The following MTDH variants were observed in gnomAD, a reference collection of about 807,000 sequenced individuals.
MTDH encodes the protein metadherin.
In MTDH, 34 loss-of-function variants were observed where a neutral mutation model predicts 72.7. The observed-to-expected ratio is 0.47, with a 90% confidence interval of 0.36 to 0.62. The LOEUF (loss-of-function observed/expected upper bound fraction) is 0.62. Among genes scored for constraint, MTDH ranks in the 20% least tolerant of loss-of-function variants. The probability of loss-of-function intolerance (pLI) is 0.00; values close to 1 mark genes in which losing one functional copy is unlikely to be tolerated. For synonymous variants in MTDH, 266 were observed against 268.9 expected (o/e 0.99, Z 0.10); for missense variants, 677 against 699.4 (o/e 0.97, Z 0.36).
At chr8:97,697,150 A>ATATATATATATATATAT in intron 6 of MTDH, among the ~76,000 whole-genome samples, 2 of 68,796 alleles carry the variant, frequency 2.9e-5, no homozygotes, top group South Asian at 6.1e-4. Context: ...ATATATATAT[A>ATATATATATATATATAT]TTTTTTTTTT....
intron 1 of MTDH, among the ~76,000 whole-genome samples, chr8:97,656,671 C>T (rs1811991559): frequency 6.6e-6 from 1 of 151,686 alleles, no homozygotes; most frequent in South Asian, 2.1e-4. Flanking sequence ...TGTCCTTGTT[C>T]CTACAGTCCT....
chr8:97,699,799 A>G lies in MTDH; in HGVS notation c.1094A>G (p.Gln365Arg), dbSNP rs564016127. The change falls in exon 7 of 12, where the codon CAG (glutamine) becomes CGG (arginine). Residue 365 changes from glutamine to arginine, a missense_variant. By Grantham distance (43) the Gln-to-Arg change is conservative. Around this residue, in one of 3 missense-constraint regions of MTDH, gnomAD observed 467 missense variants for 469.1 expected, o/e 1.00. Transcript: ENST00000336273. ...TCTCAGTCTACCACTTCTGATTATC[A>G]GTGGGATGTTAGCCGTAATCAACCC... ...PVSQSTTSDY[Q>R]WDVSRNQPYI... 16 of 1,613,514 alleles carry G rather than the reference A, an allele frequency of 9.9e-6. No homozygotes were observed. The East Asian group carries it at 3.4e-4, about 34-fold the overall frequency.
At chr8:97,720,524 T>C (rs1454717146) in intron 10 of MTDH, among the ~76,000 whole-genome samples, 1 of 147,918 alleles carries the variant, frequency 6.8e-6, no homozygotes, top group Non-Finnish European at 1.5e-5. Context: ...TGCAGTGAGC[T>C]GTAATTGCGC....
chr8:97,669,464 T>G (rs1812524569), intron 2 of MTDH, among the ~76,000 whole-genome samples: 1 of 152,054 alleles, frequency 6.6e-6, no homozygotes, highest in Admixed American at 6.6e-5. Context: ...TATATAATTT[T>G]AGAACATTTT....
intron 11 of MTDH, among the ~76,000 whole-genome samples, chr8:97,724,216 T>A (rs1815267037): frequency 6.6e-6 from 1 of 152,240 alleles, no homozygotes. Context: ...CCTCTCCCTT[T>A]TTCTCTGCAC....
At chr8:97,708,580 C>T in intron 8 of MTDH, among the ~76,000 whole-genome samples, 1 of 69,112 alleles carries the variant, frequency 1.4e-5, no homozygotes, top group South Asian at 5.2e-4. Context: ...CCATGCCAGG[C>T]CTTTTTTTTT....
intron 2 of MTDH, among the ~76,000 whole-genome samples, chr8:97,666,742 G>C (rs186540268): frequency 6.6e-6 from 1 of 152,134 alleles, no homozygotes; most frequent in East Asian, 1.9e-4. Context: ...CTGTCGCCCA[G>C]GGTGGAGTGC....
rs1377171722 is a variant in MTDH, at chr8:97,713,739, G to T, written c.1350G>T (p.Lys450Asn). The change falls in exon 9 of 12, where the codon AAG (lysine) becomes AAT (asparagine). Residue 450 changes from lysine to asparagine, a missense_variant. By Grantham distance (94) the Lys-to-Asn change is moderately conservative. Coordinates refer to ENST00000336273, the MANE Select transcript of MTDH (RefSeq NM_178812.4). ...CCAAAAAGAAAAAAAAGAAAAAGAA[G>T]AAGCAAGGTGAAGATAACTCTACTG... is the stretch of plus-strand genomic sequence containing the variant. ...GKSKKKKKKK[K>N]KQGEDNSTAQ... 5 of 1,603,000 alleles carry T rather than the reference G, an allele frequency of 3.1e-6. No homozygotes were observed. The highest frequency in any genetic ancestry group is 3.4e-6 in the Non-Finnish European group (4 of 1,174,662).
chr8:97,672,242 A>G (rs1490680661), intron 2 of MTDH, among the ~76,000 whole-genome samples: 1 of 152,250 alleles, frequency 6.6e-6, no homozygotes, highest in African/African-American at 2.4e-5. Context: ...GATAGTTTCA[A>G]CAGGAGAGAC....
intron 6 of MTDH, chr8:97,696,154 C>A: frequency 1.4e-6 from 1 of 726,474 alleles, no homozygotes; most frequent in Non-Finnish European, 1.7e-6. Context: ...ACATATCTTT[C>A]AAGTCTGATG....
chr8:97,657,733 T>C (rs1443109932), intron 1 of MTDH, among the ~76,000 whole-genome samples: 1 of 152,092 alleles, frequency 6.6e-6, no homozygotes, highest in African/African-American at 2.4e-5. Flanking sequence ...GTCTCGAACT[T>C]CTGAGCTCTT....
intron 2 of MTDH, among the ~76,000 whole-genome samples, chr8:97,671,308 T>C (rs1281383704): frequency 6.6e-6 from 1 of 152,012 alleles, no homozygotes; most frequent in Non-Finnish European, 1.5e-5. Flanking sequence ...CGGACACAGA[T>C]CCAAACCATA....
intron 7 of MTDH, among the ~76,000 whole-genome samples, chr8:97,705,123 C>T (rs1814294999): frequency 6.6e-6 from 1 of 151,800 alleles, no homozygotes; most frequent in Admixed American, 6.6e-5. Flanking sequence ...ATGGTGAAAC[C>T]CTGTTTCTAC....
chr8:97,691,321 ACTCAT>A, intron 6 of MTDH, 133 bp downstream of exon 6: 1 of 593,688 alleles, frequency 1.7e-6, no homozygotes, highest in Non-Finnish European at 2.8e-6. Flanking sequence ...GTAATAATTA[ACTCAT>A]CTCACATCCT....
At chr8:97,661,918 C>CAAAAAAAA (rs11440340) in intron 2 of MTDH, among the ~76,000 whole-genome samples, 1 of 110,306 alleles carries the variant, frequency 9.1e-6, no homozygotes, top group African/African-American at 3.2e-5. Flanking sequence ...GACCCTGTCT[C>CAAAAAAAA]AAAAAAAAAA....
At chr8:97,656,116 A>G (rs1431838671) in intron 1 of MTDH, among the ~76,000 whole-genome samples, 1 of 152,070 alleles carries the variant, frequency 6.6e-6, no homozygotes, top group Admixed American at 6.6e-5. Context: ...TTGAATCATG[A>G]TCTTTACATG....
chr8:97,714,162 G>T (rs568207721), intron 9 of MTDH, among the ~76,000 whole-genome samples: 1 of 152,158 alleles, frequency 6.6e-6, no homozygotes, highest in South Asian at 2.1e-4. Context: ...CTTTGAGTTT[G>T]CTGGTTATTT....
At chr8:97,676,085 G>C (rs1367640349) in intron 2 of MTDH, among the ~76,000 whole-genome samples, 1 of 151,672 alleles carries the variant, frequency 6.6e-6, no homozygotes, top group Non-Finnish European at 1.5e-5. Context: ...GACTACAGGC[G>C]TGCACCACCA....
chr8:97,645,838 G>T (rs544532946), intron 1 of MTDH, among the ~76,000 whole-genome samples: 194 of 152,262 alleles, frequency 1.3e-3, no homozygotes, highest in African/African-American at 4.6e-3. Context: ...ACTATGGAGG[G>T]TATGCAGAGT....
Sources: allele counts gnomAD v4.1 joint callset (sites outside exome capture counted in the v4.1 genomes callset), GRCh38; gene constraint gnomAD v4.1.1; regional missense constraint gnomAD v4.1.1; transcripts MANE v1.5; gene names NCBI Gene and HGNC (gene_info 2026-07-23, HGNC 2026-07-21).